The following ZNF385D variants were observed in gnomAD, a reference collection of about 807,000 sequenced individuals.
ZNF385D encodes zinc finger protein 385D.
In ZNF385D, 15 loss-of-function variants were observed where a neutral mutation model predicts 35.8. That is an observed-to-expected ratio of 0.42 (90% CI 0.28 to 0.64). The LOEUF is 0.64. Among genes scored for constraint, ZNF385D ranks in the 30% least tolerant of loss-of-function variants. The probability of loss-of-function intolerance (pLI) is 0.23; values close to 1 mark genes in which losing one functional copy is unlikely to be tolerated. For synonymous variants in ZNF385D, 212 were observed against 186.8 expected, an observed-to-expected ratio of 1.13 and a Z score of -1.10; for missense variants, 474 against 494.6, an observed-to-expected ratio of 0.96 and a Z score of 0.39.
intron 2 of ZNF385D, among the ~76,000 whole-genome samples, chr3:21,623,305 C>T (rs760118740): frequency 1.3e-5 from 2 of 152,056 alleles, no homozygotes; most frequent in Non-Finnish European, 2.9e-5. Context: ...GCATTTATGA[C>T]ACTTTTATTA....
intron 2 of ZNF385D, among the ~76,000 whole-genome samples, chr3:22,189,544 G>T (rs1248810636): frequency 6.6e-6 from 1 of 152,070 alleles, no homozygotes; most frequent in Admixed American, 6.6e-5. Context: ...AAGGGAACCC[G>T]AAAGAGAAGA....
chr3:21,685,817 T>C (rs2067084802), intron 1 of ZNF385D, among the ~76,000 whole-genome samples: 1 of 152,254 alleles, frequency 6.6e-6, no homozygotes, highest in African/African-American at 2.4e-5. Flanking sequence ...GTACAAATGA[T>C]TAGCTACCTT....
At chr3:21,567,735 T>C (rs1202141931) in intron 2 of ZNF385D, among the ~76,000 whole-genome samples, 2 of 152,200 alleles carry the variant, frequency 1.3e-5, no homozygotes, top group African/African-American at 4.8e-5. Context: ...AATGATACTT[T>C]GAAATAAAAA....
rs187905691 is a variant in ZNF385D, at chr3:22,367,978, G to A, written c.106+4472C>T. On this transcript the variant is annotated intron_variant, in intron 2 of 5. Transcript: ENST00000494108. ...ATCAAGGCGCATCAAGATCAGTACT[G>A]TTTCCTGAAAGATGGGCTACATAAC... Among the ~76,000 whole-genome samples, 83 of 152,246 alleles carry A rather than the reference G, an allele frequency of 5.5e-4. 1 individual carries two copies. The highest frequency in any genetic ancestry group is 1.9e-3 in the African/African-American group (80 of 41,546).
chr3:21,973,789 A>C (rs1211109427), intron 3 of ZNF385D, among the ~76,000 whole-genome samples: 1 of 152,044 alleles, frequency 6.6e-6, no homozygotes, highest in African/African-American at 2.4e-5. Context: ...ACACCAAACT[A>C]TCTGAAAAAC....
intron 2 of ZNF385D, among the ~76,000 whole-genome samples, chr3:22,317,232 G>A (rs1432586541): frequency 6.4e-5 from 8 of 125,432 alleles, no homozygotes; most frequent in Non-Finnish European, 7.8e-5. Context: ...AGCCAAGATC[G>A]CGCTATTGCA....
At chr3:22,142,725 G>A (rs1704586740) in intron 3 of ZNF385D, among the ~76,000 whole-genome samples, 1 of 151,994 alleles carries the variant, frequency 6.6e-6, no homozygotes, top group African/African-American at 2.4e-5. Context: ...GATCAATGAG[G>A]TTACTAACCT....
chr3:22,102,316 T>C (rs1015841352), intron 3 of ZNF385D, among the ~76,000 whole-genome samples: 5 of 152,068 alleles, frequency 3.3e-5, no homozygotes, highest in African/African-American at 1.2e-4. Flanking sequence ...TCTACAATTA[T>C]TTTTATTCCC....
intron 3 of ZNF385D, among the ~76,000 whole-genome samples, chr3:21,906,805 A>G (rs1468407138): frequency 6.6e-6 from 1 of 152,116 alleles, no homozygotes; most frequent in Non-Finnish European, 1.5e-5. Context: ...ACCAGGTGAG[A>G]TAACTTATTT....
chr3:21,645,836 G>C (rs1444369109), intron 2 of ZNF385D, among the ~76,000 whole-genome samples: 1 of 152,066 alleles, frequency 6.6e-6, no homozygotes, highest in Non-Finnish European at 1.5e-5. Flanking sequence ...TCTTTTTTCA[G>C]TTGACCTTTT....
At chr3:21,873,276 T>G (rs1481531078) in intron 3 of ZNF385D, among the ~76,000 whole-genome samples, 1 of 152,110 alleles carries the variant, frequency 6.6e-6, no homozygotes, top group Non-Finnish European at 1.5e-5. Flanking sequence ...TGTTATAACA[T>G]TCAACATCAC....
chr3:22,145,400 T>C (rs1704787498), intron 3 of ZNF385D, among the ~76,000 whole-genome samples: 3 of 152,228 alleles, frequency 2.0e-5, no homozygotes, highest in Admixed American at 1.3e-4. Context: ...GCAAGTTTCT[T>C]CTCTTTGAAG....
At chr3:21,560,546 C>A (rs935244963) in intron 3 of ZNF385D, among the ~76,000 whole-genome samples, 3 of 152,176 alleles carry the variant, frequency 2.0e-5, no homozygotes, top group African/African-American at 7.2e-5. Context: ...CTGCCAGATG[C>A]CAGCGAGAGC....
intron 2 of ZNF385D, among the ~76,000 whole-genome samples, chr3:22,248,837 G>A (rs750315455): frequency 1.3e-5 from 2 of 152,114 alleles, no homozygotes; most frequent in Non-Finnish European, 2.9e-5. Flanking sequence ...CACATCAGAA[G>A]TGATGCTCTA....
At chr3:22,281,319 TTAAAG>T (rs1701727117) in intron 2 of ZNF385D, among the ~76,000 whole-genome samples, 1 of 152,118 alleles carries the variant, frequency 6.6e-6, no homozygotes, top group Non-Finnish European at 1.5e-5. Context: ...GATCCAGTTC[TTAAAG>T]GGAATGCTCT....
At chr3:21,806,347 G>C (rs1410688613) in intron 3 of ZNF385D, among the ~76,000 whole-genome samples, 1 of 151,974 alleles carries the variant, frequency 6.6e-6, no homozygotes, top group East Asian at 1.9e-4. Flanking sequence ...TGGGACTACA[G>C]GCGCCTGTCA....
At chr3:21,447,529 G>A (rs1702217685) in intron 4 of ZNF385D, among the ~76,000 whole-genome samples, 2 of 152,206 alleles carry the variant, frequency 1.3e-5, no homozygotes, top group Admixed American at 1.3e-4. Flanking sequence ...GTTTTTCAGT[G>A]ATTGCCTTTG....
intron 3 of ZNF385D, among the ~76,000 whole-genome samples, chr3:21,873,191 C>A (rs1697787244): frequency 6.6e-6 from 1 of 151,954 alleles, no homozygotes. Context: ...GATATATGAA[C>A]ATAGATATAT....
chr3:22,343,130 T>C (rs909837070), intron 2 of ZNF385D, among the ~76,000 whole-genome samples: 1 of 152,254 alleles, frequency 6.6e-6, no homozygotes, highest in African/African-American at 2.4e-5. Flanking sequence ...CTCTTTTTAC[T>C]TTTTAAAGTG....
Sources: allele counts gnomAD v4.1 joint callset (sites outside exome capture counted in the v4.1 genomes callset), GRCh38; gene constraint gnomAD v4.1.1; transcripts MANE v1.5; gene names NCBI Gene and HGNC (gene_info 2026-07-23, HGNC 2026-07-21).